FAM135B: variants seen among roughly 807,000 people sequenced by gnomAD.
FAM135B encodes protein FAM135B.
FAM135B carries 43 observed loss-of-function variants against 127.7 expected under a neutral mutation model. That is an observed-to-expected ratio of 0.34 (90% CI 0.26 to 0.43). The LOEUF is 0.43. Among genes scored for constraint, FAM135B ranks in the 20% least tolerant of loss-of-function variants. The pLI is 1.00. For synonymous variants in FAM135B, 670 were observed against 665.1 expected (o/e 1.01, Z -0.11); for missense variants, 1,558 against 1,725.6 (o/e 0.90, Z 1.72).
intron 1 of FAM135B, among the ~76,000 whole-genome samples, chr8:138,481,308 A>G (rs1814770234): frequency 6.6e-6 from 1 of 152,256 alleles, no homozygotes; most frequent in African/African-American, 2.4e-5. Context: ...TAGTCTTGTT[A>G]TCTCCATTTT....
chr8:138,312,570 C>T (rs936991899), intron 2 of FAM135B, among the ~76,000 whole-genome samples: 6 of 152,132 alleles, frequency 3.9e-5, no homozygotes, highest in African/African-American at 9.7e-5. Flanking sequence ...TCCCTCCAGC[C>T]GAAGGATCAG....
At chr8:138,139,488 G>A (rs1816940296) in intron 17 of FAM135B, among the ~76,000 whole-genome samples, 1 of 152,198 alleles carries the variant, frequency 6.6e-6, no homozygotes, top group Non-Finnish European at 1.5e-5. Flanking sequence ...CAACTCATCT[G>A]TTGGCTGGGC....
At position 138,373,265 on chromosome 8, in the gene FAM135B, C is replaced by T. The variant is rs188691969; in HGVS notation, c.-19-5263G>A. Among the ~76,000 whole-genome samples, 876 of 152,146 alleles carry T rather than the reference C, an allele frequency of 5.8e-3. 8 individuals are homozygous for T. Among genetic ancestry groups the T allele is most frequent in the African/African-American group, 0.02 (824 of 41,484 alleles). ...AAGTGGATTGTGAAGATTTCATGGACATTTATTAGTTCCCCAAATTAATAC... is the reference window on the plus strand; with the variant it reads ...AAGTGGATTGTGAAGATTTCATGGATATTTATTAGTTCCCCAAATTAATAC... On this transcript the variant is annotated intron_variant, in intron 1 of 19. Coordinates refer to ENST00000395297, the MANE Select transcript of FAM135B (RefSeq NM_015912.4).
intron 7 of FAM135B, among the ~76,000 whole-genome samples, chr8:138,231,797 T>A (rs1314333792): frequency 6.6e-6 from 1 of 152,158 alleles, no homozygotes; most frequent in African/African-American, 2.4e-5. Flanking sequence ...ATTAAAAATA[T>A]CCAGCCGAGA....
chr8:138,170,300 G>A (rs997913638), intron 11 of FAM135B, among the ~76,000 whole-genome samples: 15 of 140,724 alleles, frequency 1.1e-4, no homozygotes, highest in South Asian at 2.3e-4. Context: ...TCGGCTCACC[G>A]CAACCTCCAC....
chr8:138,256,659 C>T, intron 5 of FAM135B, 30 bp downstream of exon 5: 2 of 1,594,864 alleles, frequency 1.3e-6, no homozygotes, highest in Middle Eastern at 1.7e-4. Flanking sequence ...CACTGTGCTA[C>T]TACAATTCAA....
chr8:138,208,911 A>G (rs1419554158), intron 7 of FAM135B, among the ~76,000 whole-genome samples: 1 of 152,226 alleles, frequency 6.6e-6, no homozygotes, highest in Non-Finnish European at 1.5e-5. Context: ...AGATAAGTTG[A>G]TATATTGACT....
At chr8:138,197,793 C>G in intron 7 of FAM135B, 124 bp from the exon 8 acceptor site, 2 of 1,021,960 alleles carry the variant, frequency 2.0e-6, no homozygotes, top group Admixed American at 2.3e-5. Flanking sequence ...GGGAAGGAAG[C>G]AGACCCCATC....
At chr8:138,324,332 C>T (rs572752620) in intron 2 of FAM135B, among the ~76,000 whole-genome samples, 2 of 152,280 alleles carry the variant, frequency 1.3e-5, no homozygotes, top group African/African-American at 4.8e-5. Context: ...AGCATTTATT[C>T]TTCAATTTCT....
chr8:138,244,220 C>T (rs1460704024), intron 6 of FAM135B, among the ~76,000 whole-genome samples: 1 of 152,030 alleles, frequency 6.6e-6, no homozygotes, highest in African/African-American at 2.4e-5. Flanking sequence ...GTCTAAAGAG[C>T]AAAGGAAACC....
At chr8:138,421,336 GA>G (rs1269720537) in intron 1 of FAM135B, among the ~76,000 whole-genome samples, 2 of 152,160 alleles carry the variant, frequency 1.3e-5, no homozygotes, top group Non-Finnish European at 2.9e-5. Context: ...TCTAAATAGG[GA>G]AAAGGTAAGA....
intron 7 of FAM135B, among the ~76,000 whole-genome samples, chr8:138,238,673 C>A (rs146495620): frequency 3.0e-4 from 45 of 152,346 alleles, no homozygotes; most frequent in African/African-American, 9.6e-4. Context: ...TCTAATCCTT[C>A]CAGCTGATGC....
chr8:138,306,378 T>C (rs1826255492), intron 3 of FAM135B, among the ~76,000 whole-genome samples: 1 of 148,284 alleles, frequency 6.7e-6, no homozygotes, highest in Non-Finnish European at 1.5e-5. Context: ...GAGGTTGTGG[T>C]GAGCCGAGAT....
At chr8:138,376,650 A>C (rs746506702) in intron 1 of FAM135B, among the ~76,000 whole-genome samples, 1 of 152,242 alleles carries the variant, frequency 6.6e-6, no homozygotes, top group Non-Finnish European at 1.5e-5. Flanking sequence ...TAGTTCCACA[A>C]CATGTGATCT....
In FAM135B at chr8:138,242,869, G is replaced by A. The variant is rs1460273051; in HGVS notation, c.669+73C>T. Reference sequence around the variant, plus strand: ...TGAAGGGGATGTTTCAAAGAAGCATGAATCTCATAGAACATACACTCTGCA... The same window carrying A: ...TGAAGGGGATGTTTCAAAGAAGCATAAATCTCATAGAACATACACTCTGCA... On this transcript the variant is annotated intron_variant, in intron 7 of 19. Transcript: ENST00000395297. This position sits in a 1 kb window ranked among gnomAD's most constrained non-coding sequence, Gnocchi z 9.6. 1.3e-6 allele frequency: 2 copies of A among 1,518,078 alleles called. No homozygotes were observed. The highest frequency in any genetic ancestry group is 1.8e-6 in the Non-Finnish European group (2 of 1,132,676). 94.0% of individuals were successfully genotyped at this position (1,518,078 alleles called of 1,614,324 possible).
chr8:138,165,911 T>C (rs1361255493), intron 12 of FAM135B, among the ~76,000 whole-genome samples: 1 of 152,214 alleles, frequency 6.6e-6, no homozygotes, highest in African/African-American at 2.4e-5. Flanking sequence ...TTTGCAAGGT[T>C]GCACTGCCCT....
Position 138,141,186 on chromosome 8 carries a change from G to A in FAM135B, c.3790+12C>T, listed in dbSNP as rs2130591530. 1 of 1,613,666 alleles carries A rather than the reference G, an allele frequency of 6.2e-7. No individual in the cohort carries two copies. Among genetic ancestry groups the A allele is most frequent in the Non-Finnish European group, 8.5e-7 (1 of 1,179,756 alleles). ...TAATTCTGAGGAATGACGAGTCCTA[G>A]AAGAATCTTACCTGTACTAACCAGG... On this transcript the variant is annotated intron_variant, in intron 17 of 19. Transcript: ENST00000395297. The surrounding 1 kb of genome is among the most constrained non-coding windows in gnomAD (Gnocchi z 4.7).
chr8:138,392,978 T>C (rs541462443), intron 1 of FAM135B, among the ~76,000 whole-genome samples: 5 of 152,278 alleles, frequency 3.3e-5, no homozygotes, highest in East Asian at 1.9e-4. Context: ...AGAGTTTTAA[T>C]TGGACTTAAA....
chr8:138,433,099 T>C (rs1245077296), intron 1 of FAM135B, among the ~76,000 whole-genome samples: 2 of 152,112 alleles, frequency 1.3e-5, no homozygotes, highest in Non-Finnish European at 2.9e-5. Context: ...TAGAAAGTCA[T>C]AATAAAATTA....
Sources: allele counts gnomAD v4.1 joint callset (sites outside exome capture counted in the v4.1 genomes callset), GRCh38; gene constraint gnomAD v4.1.1; non-coding constraint Gnocchi (gnomAD v3.1); transcripts MANE v1.5; gene names NCBI Gene and HGNC (gene_info 2026-07-23, HGNC 2026-07-21).